SCYL3: variants seen among roughly 807,000 people sequenced by gnomAD.
SCYL3 encodes protein-associating with the carboxyl-terminal domain of ezrin.
SCYL3 carries 35 observed loss-of-function variants against 73.8 expected under a neutral mutation model. The ratio of observed to expected loss-of-function variants is 0.47; its 90% CI spans 0.36 to 0.63. The LOEUF (loss-of-function observed/expected upper bound fraction) is 0.63, where lower values mean the gene tolerates loss of function less well. Among genes scored for constraint, SCYL3 ranks in the 20% least tolerant of loss-of-function variants. The pLI is 0.00. For synonymous variants in SCYL3, 277 were observed against 295.2 expected (o/e 0.94, Z 0.63); for missense variants, 712 against 798.9 (o/e 0.89, Z 1.31).
chr1:169,861,406 C>A (rs767436620), intron 10 of SCYL3, among the ~76,000 whole-genome samples: 1 of 152,138 alleles, frequency 6.6e-6, no homozygotes, highest in Non-Finnish European at 1.5e-5. Context: ...TGGGGGGATA[C>A]AAGCCCCCCA....
chr1:169,852,563 C>G lies in SCYL3; in HGVS notation c.*1150G>C. ...TTGGGACAGGATACTTGTTGTATAC[C>G]ACATACAAACTAAGACACTGGTAGT... On this transcript the variant is annotated 3_prime_UTR_variant, in exon 13 of 13. Coordinates refer to ENST00000367771, the MANE Select transcript of SCYL3 (RefSeq NM_020423.7). 1.8e-6 allele frequency: 1 copy of G among 547,380 alleles called. No homozygotes were observed. The allele number at this position is 547,380 out of a possible 1,614,324, so 33.9% of individuals were successfully genotyped here.
intron 1 of SCYL3, 118 bp downstream of exon 1, chr1:169,893,670 G>T (rs1213649318): frequency 6.6e-6 from 1 of 151,000 alleles, no homozygotes; most frequent in South Asian, 2.1e-4. Flanking sequence ...TCCCGCGCGG[G>T]CCCCAGAGCG....
intron 9 of SCYL3, among the ~76,000 whole-genome samples, chr1:169,863,984 T>C (rs1395041262): frequency 6.6e-6 from 1 of 151,760 alleles, no homozygotes; most frequent in African/African-American, 2.4e-5. Context: ...GGAAGTAAAA[T>C]GATCTCAGTG....
At chr1:169,871,563 G>C (rs561248183) in intron 5 of SCYL3, among the ~76,000 whole-genome samples, 1 of 152,308 alleles carries the variant, frequency 6.6e-6, no homozygotes, top group Non-Finnish European at 1.5e-5. Context: ...AAAGATACCT[G>C]AAAATATGGA....
chr1:169,853,599 G>T lies in SCYL3; in HGVS notation c.*114C>A. The T allele has an allele frequency of 3.7e-6, 4 of 1,071,596 alleles. No individual in the cohort carries two copies. The highest frequency in any genetic ancestry group is 5.6e-6 in the Non-Finnish European group (4 of 720,502). The allele number at this position is 1,071,596 out of a possible 1,614,324, so 66.4% of individuals were successfully genotyped here. A position where few individuals can be genotyped will look rare whatever the true frequency, so the allele number is the denominator to read the frequency against. On this transcript the variant is annotated 3_prime_UTR_variant, in exon 13 of 13. Coordinates refer to ENST00000367771, the MANE Select transcript of SCYL3 (RefSeq NM_020423.7). ...CACAGACTGGATAATGAGCTCCTGG[G>T]ATGGGAAAAGCAGGCCACTTTGGGG...
Position 169,850,352 on chromosome 1 carries a change from T to C in SCYL3, c.*3361A>G. 1 of 1,576,694 alleles carries C rather than the reference T, an allele frequency of 6.3e-7. No individual in the cohort carries two copies. Among genetic ancestry groups the C allele is most frequent in the South Asian group, 1.1e-5 (1 of 89,542 alleles). On this transcript the variant is annotated 3_prime_UTR_variant, in exon 13 of 13. Transcript: ENST00000367771. ...TGTATCCTTTCTGGAGAAGGTACTT[T>C]CTTTACATGGCTCATGTTTTATTCT...
chr1:169,858,788 A>G (rs1055573851), intron 11 of SCYL3, among the ~76,000 whole-genome samples: 6 of 152,068 alleles, frequency 3.9e-5, no homozygotes, highest in African/African-American at 1.4e-4. Context: ...CGTTAACCAA[A>G]ATGTCCTTAT....
At chr1:169,877,513 G>C (rs1660934796) in intron 3 of SCYL3, among the ~76,000 whole-genome samples, 1 of 152,106 alleles carries the variant, frequency 6.6e-6, no homozygotes, top group South Asian at 2.1e-4. Context: ...TATTTTTATA[G>C]AGAATACTCC....
chr1:169,863,583 G>A (rs1488330763), intron 9 of SCYL3, among the ~76,000 whole-genome samples: 2 of 152,150 alleles, frequency 1.3e-5, no homozygotes, highest in Non-Finnish European at 2.9e-5. Flanking sequence ...TAAAAAATAT[G>A]TATACCTATG....
chr1:169,875,874 A>C, intron 4 of SCYL3, 104 bp downstream of exon 4: 1 of 569,356 alleles, frequency 1.8e-6, no homozygotes, highest in East Asian at 3.3e-5. Flanking sequence ...CAAGTCTCCA[A>C]ATCTAAGACC....
rs183190807 is a variant in SCYL3 at position 169,861,233 on chromosome 1, T to C, written c.1140+1380A>G. Among the ~76,000 whole-genome samples the C allele has an allele frequency of 2.0e-5, 3 of 152,308 alleles. 1 individual carries two copies. Among genetic ancestry groups the C allele is most frequent in the Admixed American group, 2.0e-4 (3 of 15,306 alleles). Reference sequence around the variant, plus strand: ...GAGTAAACCCATCCCACAATGAGCCTGGGCTTTTTCCAACTCTAACCGAGA... The same window carrying C: ...GAGTAAACCCATCCCACAATGAGCCCGGGCTTTTTCCAACTCTAACCGAGA... On this transcript the variant is annotated intron_variant, in intron 10 of 12. Coordinates refer to ENST00000367771, the MANE Select transcript of SCYL3 (RefSeq NM_020423.7).
chr1:169,851,670 AC>A lies in SCYL3; in HGVS notation c.*2042del. ...AGTAGAGTGATTTAATCCAGATTATACTAAGAGTATTTATAGATCAGTCCAT... is the reference window on the plus strand; with the variant it reads ...AGTAGAGTGATTTAATCCAGATTATATAAGAGTATTTATAGATCAGTCCAT... On this transcript the variant is annotated 3_prime_UTR_variant, in exon 13 of 13. Transcript: ENST00000367771. 1 of 865,052 alleles carries A rather than the reference AC, an allele frequency of 1.2e-6. No homozygotes were observed. Among genetic ancestry groups the A allele is most frequent in the Non-Finnish European group, 1.8e-6 (1 of 557,088 alleles). The allele number at this position is 865,052 out of a possible 1,614,324, so 53.6% of individuals were successfully genotyped here.
intron 5 of SCYL3, among the ~76,000 whole-genome samples, chr1:169,870,751 T>C (rs562651567): frequency 6.6e-6 from 1 of 151,620 alleles, no homozygotes; most frequent in Non-Finnish European, 1.5e-5. Context: ...CATGTTCTTT[T>C]ATTCTTTTTT....
rs56059077 is a variant in SCYL3, at chr1:169,862,790, C to T, written c.963G>A (p.Ala321=). ...PYLLGPKKDH[A]QGETPCLLSP... ...AGAGCAAGCAAGGAGTTTCTCCCTG[C>T]GCATGATCTACCCGAAAAATCAAAG... The change falls in exon 10 of 13, where the codon GCG becomes GCA. Residue 321 remains alanine, a synonymous_variant. Transcript: ENST00000367771. The T allele has an allele frequency of 2.1e-4, 332 of 1,613,068 alleles. 2 individuals are homozygous for T. The South Asian group carries it at 2.2e-3, about 11-fold the overall frequency.
intron 9 of SCYL3, 118 bp downstream of exon 9, chr1:169,864,251 T>C: frequency 7.5e-7 from 1 of 1,337,268 alleles, no homozygotes; most frequent in South Asian, 1.3e-5. Context: ...CCAACAATTG[T>C]TCTCCGTTTT....
At chr1:169,876,439 C>T (rs1273810115) in intron 3 of SCYL3, among the ~76,000 whole-genome samples, 2 of 152,196 alleles carry the variant, frequency 1.3e-5, no homozygotes, top group Non-Finnish European at 2.9e-5. Context: ...CTTAAACATA[C>T]ATTTACAAGT....
rs569979655 is a variant in SCYL3 at position 169,853,406 on chromosome 1, T to C, written c.*307A>G. The C allele has an allele frequency of 1.9e-5, 7 of 369,682 alleles. No individual in the cohort carries two copies. The East Asian group carries it at 3.4e-4, about 18-fold the overall frequency. The allele number at this position is 369,682 out of a possible 1,614,324, so 22.9% of individuals were successfully genotyped here. On this transcript the variant is annotated 3_prime_UTR_variant, in exon 13 of 13. Coordinates refer to ENST00000367771, the MANE Select transcript of SCYL3 (RefSeq NM_020423.7). ...AATTACATTTTCTTTACTTCCAGAA[T>C]TGTCCTGGAAAAAGCAGTAAATTCG...
At chr1:169,885,404 G>A (rs1474371468) in intron 2 of SCYL3, among the ~76,000 whole-genome samples, 1 of 152,118 alleles carries the variant, frequency 6.6e-6, no homozygotes. Flanking sequence ...TGAGAACTAT[G>A]CAAAGTTAAC....
chr1:169,858,757 T>A (rs1390076908), intron 11 of SCYL3, among the ~76,000 whole-genome samples: 2 of 141,172 alleles, frequency 1.4e-5, no homozygotes, highest in African/African-American at 2.5e-5. Context: ...GTATAGACAG[T>A]CAGTCATTTA....
Sources: allele counts gnomAD v4.1 joint callset (sites outside exome capture counted in the v4.1 genomes callset), GRCh38; gene constraint gnomAD v4.1.1; transcripts MANE v1.5; gene names NCBI Gene and HGNC (gene_info 2026-07-23, HGNC 2026-07-21).